The following SUGCT variants were observed in gnomAD, a reference collection of about 807,000 sequenced individuals.
SUGCT encodes the protein succinyl-CoA:glutarate-CoA transferase, also known as succinyl-CoA:glutarate CoA-transferase.
Under a neutral mutation model 55.0 loss-of-function variants are expected in SUGCT, and 41 were observed. The ratio of observed to expected loss-of-function variants is 0.74; its 90% CI spans 0.58 to 0.97. The LOEUF (loss-of-function observed/expected upper bound fraction) is 0.97, where lower values mean the gene tolerates loss of function less well. Ranked by LOEUF, SUGCT falls within the 50% of genes least tolerant of loss-of-function variation. The probability of loss-of-function intolerance (pLI) is 0.00; values close to 1 mark genes in which losing one functional copy is unlikely to be tolerated. For synonymous variants in SUGCT, 187 were observed against 200.4 expected (o/e 0.93, Z 0.56); for missense variants, 568 against 547.8 (o/e 1.04, Z -0.37).
In SUGCT at chr7:40,570,913, G is replaced by A. The variant is rs369993039; in HGVS notation, c.1089+74527G>A. 2.2e-5 allele frequency among the ~76,000 whole-genome samples: 3 copies of A among 136,176 alleles called. No homozygotes were observed. The South Asian group carries it at 7.3e-4, about 33-fold the overall frequency. The allele number at this position is 136,176 out of a possible 152,430, so 89.3% of individuals were successfully genotyped here. A position where few individuals can be genotyped will look rare whatever the true frequency, so the allele number is the denominator to read the frequency against. On this transcript the variant is annotated intron_variant, in intron 12 of 13. Transcript: ENST00000335693. ...TTTGCTCTGTTGCCCAGGCTGGAGT[G>A]GAGTGGCATGATGTTGGCTTACTGC...
At chr7:40,898,324 G>C in the SUGCT span, among the ~76,000 whole-genome samples, 1 of 152,242 alleles carries the variant, frequency 6.6e-6, no homozygotes, top group South Asian at 2.1e-4. Flanking sequence ...TTTAAGAGCC[G>C]TAAGACTCAC....
intron 13 of SUGCT, among the ~76,000 whole-genome samples, chr7:40,839,896 G>A (rs182558278): frequency 7.4e-4 from 113 of 152,164 alleles, no homozygotes; most frequent in African/African-American, 2.5e-3. Flanking sequence ...AATGCCCACC[G>A]AGTGTGCTAC....
intron 13 of SUGCT, among the ~76,000 whole-genome samples, chr7:40,817,330 A>G (rs983626027): frequency 6.6e-6 from 1 of 152,170 alleles, no homozygotes; most frequent in Admixed American, 6.5e-5. Context: ...AGTAGATACT[A>G]TGAGAACACA....
intron 9 of SUGCT, among the ~76,000 whole-genome samples, chr7:40,324,947 A>T (rs1336056495): frequency 6.6e-6 from 1 of 152,228 alleles, no homozygotes; most frequent in East Asian, 1.9e-4. Flanking sequence ...GAAGAAAACA[A>T]TTATTTACAT....
At chr7:40,553,710 TGTGA>T (rs1053760955) in intron 12 of SUGCT, among the ~76,000 whole-genome samples, 4 of 152,208 alleles carry the variant, frequency 2.6e-5, no homozygotes, top group Non-Finnish European at 4.4e-5. Flanking sequence ...TGTGTGTGTG[TGTGA>T]GTGTGTGTGT....
chr7:40,320,612 C>T (rs1478082699), intron 9 of SUGCT, among the ~76,000 whole-genome samples: 1 of 152,146 alleles, frequency 6.6e-6, no homozygotes, highest in Non-Finnish European at 1.5e-5. Context: ...CTGCATCTAT[C>T]TAAAACTCTT....
At chr7:40,575,943 CAAAAAAAA>C (rs766046012) in intron 12 of SUGCT, among the ~76,000 whole-genome samples, 2 of 69,736 alleles carry the variant, frequency 2.9e-5, no homozygotes, top group African/African-American at 8.9e-5. Context: ...GACACTGTCT[CAAAAAAAA>C]AAAAAAAAAA....
chr7:40,439,111 T>C, intron 9 of SUGCT, among the ~76,000 whole-genome samples: 1 of 114,626 alleles, frequency 8.7e-6, no homozygotes, highest in East Asian at 3.1e-4. Flanking sequence ...TATATATATA[T>C]GGATAGAGAG....
At chr7:40,681,921 G>A (rs1562943388) in intron 12 of SUGCT, among the ~76,000 whole-genome samples, 1 of 152,072 alleles carries the variant, frequency 6.6e-6, no homozygotes, top group Non-Finnish European at 1.5e-5. Flanking sequence ...TCAGTTTTTC[G>A]AGTAGGCAGA....
At chr7:40,885,243 T>C in the SUGCT span, among the ~76,000 whole-genome samples, 2 of 152,246 alleles carry the variant, frequency 1.3e-5, no homozygotes, top group Middle Eastern at 3.4e-3. Context: ...TCAACGGTCC[T>C]CCAAGGGCAC....
chr7:40,743,210 C>T (rs1440330746), intron 12 of SUGCT, among the ~76,000 whole-genome samples: 1 of 152,146 alleles, frequency 6.6e-6, no homozygotes, highest in African/African-American at 2.4e-5. Flanking sequence ...TGCAAGGCAA[C>T]ACTAGAACTT....
the SUGCT span, among the ~76,000 whole-genome samples, chr7:40,958,160 A>T: frequency 3.3e-5 from 5 of 151,952 alleles, no homozygotes; most frequent in African/African-American, 9.7e-5. Flanking sequence ...CTTCTTAAAG[A>T]GTATCTTTGT....
chr7:40,511,283 C>T (rs1285371057), intron 12 of SUGCT, among the ~76,000 whole-genome samples: 1 of 152,108 alleles, frequency 6.6e-6, no homozygotes, highest in Non-Finnish European at 1.5e-5. Context: ...GGGAAAACAT[C>T]TGGCCAACTT....
At chr7:40,485,162 T>A (rs1359691617) in intron 11 of SUGCT, among the ~76,000 whole-genome samples, 1 of 151,912 alleles carries the variant, frequency 6.6e-6, no homozygotes, top group Non-Finnish European at 1.5e-5. Flanking sequence ...TTTATGAAGA[T>A]CCTATTGATA....
rs752659107 is a variant in SUGCT, at chr7:40,193,280, G to GTTTTTT, written c.364-1643_364-1638dup. Among the ~76,000 whole-genome samples, 163 of 87,164 alleles carry GTTTTTT rather than the reference G, an allele frequency of 1.9e-3. 9 individuals carry two copies. Among genetic ancestry groups the GTTTTTT allele is most frequent in the African/African-American group, 6.4e-3 (136 of 21,124 alleles). The allele number at this position is 87,164 out of a possible 152,430, so 57.2% of individuals were successfully genotyped here. On this transcript the variant is annotated intron_variant, in intron 5 of 13. Transcript: ENST00000335693. Reference sequence around the variant, plus strand: ...GCTATTTGGCCTGGCCAATTACTGTGTTTTTTTTTTTTTTTTTTTTTTGAG... The same window carrying GTTTTTT: ...GCTATTTGGCCTGGCCAATTACTGTGTTTTTTTTTTTTTTTTTTTTTTTTTTTTGAG...
At chr7:40,798,648 G>T (rs546033908) in intron 13 of SUGCT, among the ~76,000 whole-genome samples, 5 of 152,184 alleles carry the variant, frequency 3.3e-5, no homozygotes, top group East Asian at 1.9e-4. Flanking sequence ...TTGCCATAAG[G>T]TTCAAATACC....
At chr7:40,932,624 T>C in the SUGCT span, among the ~76,000 whole-genome samples, 1 of 152,288 alleles carries the variant, frequency 6.6e-6, no homozygotes, top group African/African-American at 2.4e-5. Context: ...TGGGTGTGTA[T>C]ATATTTAGGA....
chr7:40,273,209 T>A (rs1792218576), intron 7 of SUGCT, among the ~76,000 whole-genome samples: 1 of 152,186 alleles, frequency 6.6e-6, no homozygotes, highest in Non-Finnish European at 1.5e-5. Flanking sequence ...TCCTTGAAAT[T>A]GTATTGAAAA....
intron 13 of SUGCT, among the ~76,000 whole-genome samples, chr7:40,780,535 A>G (rs956485642): frequency 7.2e-5 from 11 of 152,202 alleles, no homozygotes; most frequent in African/African-American, 2.7e-4. Context: ...CACAGGGGCT[A>G]GGGCCACATA....
Sources: allele counts gnomAD v4.1 joint callset (sites outside exome capture counted in the v4.1 genomes callset), GRCh38; gene constraint gnomAD v4.1.1; transcripts MANE v1.5; gene names NCBI Gene and HGNC (gene_info 2026-07-23, HGNC 2026-07-21).